Variants in FARP1 observed in about 807,000 individuals in gnomAD.
FARP1 encodes FERM, ARHGEF and pleckstrin domain-containing protein 1.
In FARP1, 52 loss-of-function variants were observed where a neutral mutation model predicts 128.8. The ratio of observed to expected loss-of-function variants is 0.40; its 90% CI spans 0.32 to 0.51. FARP1 has a LOEUF of 0.51. Ranked by LOEUF, FARP1 falls within the 20% of genes least tolerant of loss-of-function variation. The pLI is 0.45. For synonymous variants in FARP1, 580 were observed against 551.8 expected (o/e 1.05, Z -0.72); for missense variants, 1,333 against 1,367.9 (o/e 0.97, Z 0.40).
At chr13:98,415,186 G>A (rs1891329217) in intron 16 of FARP1, among the ~76,000 whole-genome samples, 1 of 152,186 alleles carries the variant, frequency 6.6e-6, no homozygotes, top group African/African-American at 2.4e-5. Context: ...ACTGGAGGGG[G>A]CTTTGAAAAA....
At chr13:98,293,884 T>C (rs1885550840) in intron 2 of FARP1, among the ~76,000 whole-genome samples, 1 of 152,204 alleles carries the variant, frequency 6.6e-6, no homozygotes. Flanking sequence ...CAGCTCACTA[T>C]TGAGTCAACA....
chr13:98,185,148 T>C (rs1032192249), intron 1 of FARP1, among the ~76,000 whole-genome samples: 1 of 152,236 alleles, frequency 6.6e-6, no homozygotes, highest in Admixed American at 6.5e-5. Flanking sequence ...GAAGTGATGA[T>C]TTTTGAGTAT....
At chr13:98,156,371 CT>C (rs1876496568) in intron 1 of FARP1, among the ~76,000 whole-genome samples, 1 of 152,174 alleles carries the variant, frequency 6.6e-6, no homozygotes, top group African/African-American at 2.4e-5. Context: ...TAATAACGTT[CT>C]TTTTAGCAAA....
chr13:98,406,570 C>T (rs942298929), intron 13 of FARP1: 4 of 132,058 alleles, frequency 3.0e-5, no homozygotes, highest in Middle Eastern at 3.8e-3. Context: ...GTCTGCAGAG[C>T]GCACATATTA....
chr13:98,179,912 TA>T (rs1288767346), intron 1 of FARP1, among the ~76,000 whole-genome samples: 2 of 152,222 alleles, frequency 1.3e-5, no homozygotes, highest in African/African-American at 4.8e-5. Context: ...TCATTTTTAG[TA>T]AAGCATCTGA....
intron 1 of FARP1, among the ~76,000 whole-genome samples, chr13:98,189,774 C>T (rs1011249263): frequency 2.6e-5 from 4 of 152,070 alleles, no homozygotes; most frequent in African/African-American, 9.7e-5. Flanking sequence ...TTTCAGTTTC[C>T]CAGGAAAGAT....
chr13:98,350,524 G>A (rs1485588942), intron 3 of FARP1, among the ~76,000 whole-genome samples: 3 of 152,002 alleles, frequency 2.0e-5, no homozygotes, highest in Admixed American at 2.0e-4. Context: ...TTGACATTAG[G>A]CTTCACTCTT....
At chr13:98,346,347 G>A (rs1888178302) in intron 3 of FARP1, among the ~76,000 whole-genome samples, 1 of 151,504 alleles carries the variant, frequency 6.6e-6, no homozygotes, top group Admixed American at 6.6e-5. Flanking sequence ...CCACCATCAC[G>A]CCCGGCTAAT....
intron 2 of FARP1, among the ~76,000 whole-genome samples, chr13:98,224,356 T>G (rs561840015): frequency 2.0e-5 from 3 of 150,854 alleles, no homozygotes; most frequent in Non-Finnish European, 4.4e-5. Flanking sequence ...TGAAACCCCG[T>G]CTCTACTAAA....
At chr13:98,165,840 C>G (rs918497622) in intron 1 of FARP1, among the ~76,000 whole-genome samples, 2 of 149,714 alleles carry the variant, frequency 1.3e-5, no homozygotes, top group African/African-American at 4.9e-5. Flanking sequence ...GCCTCAGCCT[C>G]CAGAGTAGCT....
chr13:98,219,208 C>T (rs562585133), intron 2 of FARP1, among the ~76,000 whole-genome samples: 76 of 152,200 alleles, frequency 5.0e-4, no homozygotes, highest in African/African-American at 1.7e-3. Context: ...GGGACGGAGC[C>T]GAAGTTTGTC....
At chr13:98,220,223 A>G (rs1263064075) in intron 2 of FARP1, among the ~76,000 whole-genome samples, 1 of 152,058 alleles carries the variant, frequency 6.6e-6, no homozygotes, top group African/African-American at 2.4e-5. Flanking sequence ...AATGGAAGGA[A>G]GGTGTTTAGA....
At chr13:98,391,270 G>A (rs1036960660) in intron 11 of FARP1, among the ~76,000 whole-genome samples, 1 of 152,198 alleles carries the variant, frequency 6.6e-6, no homozygotes, top group African/African-American at 2.4e-5. Context: ...AAATCTGGAT[G>A]AGCAGAAACA....
intron 1 of FARP1, among the ~76,000 whole-genome samples, chr13:98,180,895 A>G (rs559035581): frequency 6.6e-6 from 1 of 152,314 alleles, no homozygotes; most frequent in East Asian, 1.9e-4. Context: ...TAATGCCTGC[A>G]TAATGATCAA....
At chr13:98,200,165 C>T (rs1879838803) in intron 1 of FARP1, among the ~76,000 whole-genome samples, 2 of 152,194 alleles carry the variant, frequency 1.3e-5, no homozygotes, top group Non-Finnish European at 2.9e-5. Flanking sequence ...TTGCGAGGAG[C>T]TGCTGAAAAC....
chr13:98,417,455 G>GGGAAAAAAAAAAAA lies in FARP1; in HGVS notation c.1826+5421_1826+5422insGGAAAAAAAAAAAA, dbSNP rs1491453247. ...AGGAAACAGAGGCCACCAGAGGTTTGAAAAAAAAAAAAAAAAAAAAAAAAA... is the reference window on the plus strand; with the variant it reads ...AGGAAACAGAGGCCACCAGAGGTTTGGGAAAAAAAAAAAAAAAAAAAAAAAAAAAAAAAAAAAAA... On this transcript the variant is annotated intron_variant, in intron 16 of 26. Transcript: ENST00000319562. 2.2e-3 allele frequency among the ~76,000 whole-genome samples: 131 copies of GGGAAAAAAAAAAAA among 58,476 alleles called. 12 individuals are homozygous for GGGAAAAAAAAAAAA. The highest frequency in any genetic ancestry group is 6.7e-3 in the African/African-American group (117 of 17,466). 38.4% of individuals were successfully genotyped at this position (58,476 alleles called of 152,430 possible). A position where few individuals can be genotyped will look rare whatever the true frequency, so the allele number is the denominator to read the frequency against.
At chr13:98,369,683 A>G (rs1889247718) in intron 5 of FARP1, among the ~76,000 whole-genome samples, 1 of 152,132 alleles carries the variant, frequency 6.6e-6, no homozygotes, top group African/African-American at 2.4e-5. Context: ...TGTCCCTACA[A>G]AGGACATGAA....
At chr13:98,390,161 T>G (rs755976119) in intron 10 of FARP1, 41 bp downstream of exon 10, 1 of 1,593,190 alleles carries the variant, frequency 6.3e-7, no homozygotes, top group African/African-American at 1.3e-5. Flanking sequence ...TGGGTGCACG[T>G]TTTTCCTCCC....
rs1679642178 is a variant in FARP1, at chr13:98,251,559, TG to T, written c.171+38147del. ...TTAGCTGGGCATGGTGGCGCACACCTGTAATCCCAGCTACTTGGGAGGCTGA... is the reference window on the plus strand; with the variant it reads ...TTAGCTGGGCATGGTGGCGCACACCTTAATCCCAGCTACTTGGGAGGCTGA... On this transcript the variant is annotated intron_variant, in intron 2 of 26. Transcript: ENST00000319562. 2.6e-5 allele frequency among the ~76,000 whole-genome samples: 4 copies of T among 151,862 alleles called. No homozygotes were observed. In the South Asian group the frequency reaches 8.3e-4, roughly 32 times the overall value.
Sources: gnomAD v4.1 joint callset for allele counts (sites outside exome capture counted in the v4.1 genomes callset) on GRCh38, gnomAD v4.1.1 for gene constraint, MANE v1.5 for transcripts, NCBI Gene and HGNC (gene_info 2026-07-23, HGNC 2026-07-21) for gene names.